The following SUMF1 variants were observed in gnomAD, a reference collection of about 807,000 sequenced individuals.
SUMF1 encodes formylglycine-generating enzyme.
SUMF1 carries 48 observed loss-of-function variants against 47.6 expected under a neutral mutation model. The ratio of observed to expected loss-of-function variants is 1.01; its 90% CI spans 0.80 to 1.28. The LOEUF (loss-of-function observed/expected upper bound fraction) is 1.28, where lower values mean the gene tolerates loss of function less well. Among genes scored for constraint, SUMF1 ranks in the 50% most tolerant of loss-of-function variants. SUMF1 has a pLI of 0.00. For synonymous variants in SUMF1, 230 were observed against 192.1 expected (o/e 1.20, Z -1.63); for missense variants, 571 against 485.4 (o/e 1.18, Z -1.66).
chr3:4,160,200 C>A (rs1236728629), intron 8 of SUMF1, among the ~76,000 whole-genome samples: 1 of 151,994 alleles, frequency 6.6e-6, no homozygotes, highest in Admixed American at 6.6e-5. Context: ...TAGATTTGCC[C>A]TTTTGAATCT....
intron 8 of SUMF1, among the ~76,000 whole-genome samples, chr3:4,288,245 C>T (rs376773463): frequency 2.0e-5 from 3 of 152,130 alleles, no homozygotes; most frequent in South Asian, 2.1e-4. Context: ...AGTAAGCAAA[C>T]GTACTGACAA....
At chr3:4,456,915 CGTGT>C (rs1199326928) in intron 1 of SUMF1, among the ~76,000 whole-genome samples, 1 of 42,710 alleles carries the variant, frequency 2.3e-5, no homozygotes, top group African/African-American at 9.2e-5. Flanking sequence ...TATCTATATA[CGTGT>C]GTGTGTATAT....
intron 8 of SUMF1, among the ~76,000 whole-genome samples, chr3:4,148,396 T>C (rs1462491675): frequency 1.3e-5 from 2 of 152,166 alleles, no homozygotes; most frequent in Non-Finnish European, 2.9e-5. Flanking sequence ...AATAGTAATC[T>C]TCTGGGTCAA....
chr3:4,222,420 G>A (rs551414799), intron 8 of SUMF1, among the ~76,000 whole-genome samples: 3 of 152,098 alleles, frequency 2.0e-5, no homozygotes, highest in East Asian at 3.9e-4. Flanking sequence ...GGAGGTACCA[G>A]ATGTTTGAGT....
chr3:4,350,144 G>A (rs2662122), intron 8 of SUMF1, among the ~76,000 whole-genome samples: 22,738 of 151,460 alleles, frequency 0.15, 2,863 homozygotes, highest in African/African-American at 0.33. Flanking sequence ...GGGATTACAG[G>A]CATGCACCAC....
intron 3 of SUMF1, among the ~76,000 whole-genome samples, chr3:4,434,035 G>A (rs1439133912): frequency 2.0e-5 from 3 of 152,216 alleles, no homozygotes; most frequent in Admixed American, 6.5e-5. Flanking sequence ...AAGTAAGTCA[G>A]GCACAAAAGG....
intron 8 of SUMF1, chr3:4,312,865 C>T (rs772047637): frequency 1.2e-5 from 19 of 1,559,286 alleles, no homozygotes; most frequent in African/African-American, 5.5e-5. Context: ...TATGACATGC[C>T]GTGCTGACTT....
chr3:4,335,960 C>CAAAAAAAACAAAAAAAAAA lies in SUMF1; in HGVS notation c.1014+40369_1014+40370insTTTTTTTTTTGTTTTTTTT, dbSNP rs5846319. 3.7e-4 allele frequency among the ~76,000 whole-genome samples: 27 copies of CAAAAAAAACAAAAAAAAAA among 73,886 alleles called. 5 individuals are homozygous for CAAAAAAAACAAAAAAAAAA. The highest frequency in any genetic ancestry group is 1.4e-3 in the East Asian group (4 of 2,782). The allele number at this position is 73,886 out of a possible 152,430, so 48.5% of individuals were successfully genotyped here. A position where few individuals can be genotyped will look rare whatever the true frequency, so the allele number is the denominator to read the frequency against. On this transcript the variant is annotated intron_variant and NMD_transcript_variant, in intron 8 of 12. Transcript: ENST00000448413. The stretch of plus-strand genomic sequence containing the variant: ...TGGACAACTGAGTGAGATTCCAACT[C>CAAAAAAAACAAAAAAAAAA]AAAAAAAAAAAAAAAAAAAACAGAA...
At position 4,422,504 on chromosome 3, in the gene SUMF1, A is replaced by C. The variant is rs571134841; in HGVS notation, c.520-2358T>G. 7.6e-4 allele frequency among the ~76,000 whole-genome samples: 116 copies of C among 152,288 alleles called. 1 individual carries two copies. The highest frequency in any genetic ancestry group is 3.9e-4 in the East Asian group (2 of 5,192). On this transcript the variant is annotated intron_variant, in intron 3 of 8. Transcript: ENST00000272902. ...ATCATTAGTGATTTAAAAAAAAAAA[A>C]AAACATGATTTGTTTGTCCATTCTA... is the stretch of plus-strand genomic sequence containing the variant.
chr3:4,172,258 T>C (rs978268695), intron 8 of SUMF1, among the ~76,000 whole-genome samples: 5 of 152,170 alleles, frequency 3.3e-5, no homozygotes, highest in African/African-American at 9.7e-5. Flanking sequence ...GATTTCCGTT[T>C]TGGGGAAACT....
chr3:4,129,739 T>C (rs1041483330), intron 8 of SUMF1, among the ~76,000 whole-genome samples: 19 of 152,148 alleles, frequency 1.2e-4, no homozygotes, highest in African/African-American at 4.3e-4. Context: ...GAGCTGACGC[T>C]GATTCCAGGG....
chr3:4,343,175 G>A (rs1699307025), intron 8 of SUMF1, among the ~76,000 whole-genome samples: 1 of 152,208 alleles, frequency 6.6e-6, no homozygotes, highest in Admixed American at 6.5e-5. Flanking sequence ...GGAGAGAGGA[G>A]GCTGATGAGA....
intron 3 of SUMF1, among the ~76,000 whole-genome samples, chr3:4,421,191 T>C (rs896114931): frequency 2.6e-5 from 4 of 152,238 alleles, no homozygotes; most frequent in East Asian, 1.9e-4. Context: ...ATTTGAATCA[T>C]GGCTCTGCTG....
chr3:4,186,803 G>A (rs1695209698), intron 8 of SUMF1, among the ~76,000 whole-genome samples: 1 of 152,092 alleles, frequency 6.6e-6, no homozygotes, highest in South Asian at 2.1e-4. Flanking sequence ...TTTGTGTGAT[G>A]CCAGATATTC....
intron 8 of SUMF1, among the ~76,000 whole-genome samples, chr3:4,294,493 G>A (rs761585880): frequency 6.6e-6 from 1 of 152,176 alleles, no homozygotes; most frequent in African/African-American, 2.4e-5. Context: ...TAGGCTGAGA[G>A]ATCGAGGCTG....
At chr3:4,406,228 A>G (rs1304515617) in intron 7 of SUMF1, among the ~76,000 whole-genome samples, 2 of 152,222 alleles carry the variant, frequency 1.3e-5, no homozygotes, top group East Asian at 1.9e-4. Flanking sequence ...ATGTCACACA[A>G]TTTCATCCAG....
At chr3:4,442,651 A>AAAAAAAAAAAG (rs1416742068) in intron 3 of SUMF1, among the ~76,000 whole-genome samples, 5 of 33,924 alleles carry the variant, frequency 1.5e-4, no homozygotes, top group Non-Finnish European at 1.0e-3. Flanking sequence ...AAAAAAAAAA[A>AAAAAAAAAAAG]AGAGAGAGAA....
At chr3:4,401,259 G>C (rs1701202902) in intron 7 of SUMF1, among the ~76,000 whole-genome samples, 1 of 152,046 alleles carries the variant, frequency 6.6e-6, no homozygotes, top group South Asian at 2.1e-4. Context: ...CTTGTGAATA[G>C]TGCCACAATA....
intron 8 of SUMF1, among the ~76,000 whole-genome samples, chr3:4,328,705 C>T (rs942393078): frequency 6.6e-6 from 1 of 152,146 alleles, no homozygotes; most frequent in African/African-American, 2.4e-5. Context: ...CTCACCCCTA[C>T]CAAATCTCAC....
Sources: gnomAD v4.1 joint callset for allele counts (sites outside exome capture counted in the v4.1 genomes callset) on GRCh38, gnomAD v4.1.1 for gene constraint, MANE v1.5 for transcripts, NCBI Gene and HGNC (gene_info 2026-07-23, HGNC 2026-07-21) for gene names.